Variants in SLU7 observed in about 807,000 individuals in gnomAD.
The protein encoded by SLU7 is pre-mRNA-splicing factor SLU7.
Under a neutral mutation model 87.0 loss-of-function variants are expected in SLU7, and 60 were observed. The observed-to-expected ratio is 0.69, with a 90% CI of 0.56 to 0.86. SLU7 has a LOEUF of 0.86. Among genes scored for constraint, SLU7 ranks in the 40% least tolerant of loss-of-function variants. SLU7 has a pLI of 0.00. For missense variants in SLU7, 507 were observed against 686.6 expected (o/e 0.74, Z 2.92); for synonymous variants, 197 against 222.0 (o/e 0.89, Z 1.00).
At chr5:160,410,514 C>T (rs1765185135) in intron 6 of SLU7, among the ~76,000 whole-genome samples, 1 of 151,872 alleles carries the variant, frequency 6.6e-6, no homozygotes, top group African/African-American at 2.4e-5. Flanking sequence ...CACATGTATA[C>T]ATACGTAACA....
rs1765337862 is a variant in SLU7, at chr5:160,413,748, T to C, written c.406-128A>G. On this transcript the variant is annotated intron_variant, in intron 4 of 15. Coordinates refer to ENST00000297151, the MANE Select transcript of SLU7 (RefSeq NM_006425.5). ...ACAGTTAGTCTTACAGTAGAAAATT[T>C]TGTTGGTGTTGAACCAATTCCACTG... The C allele has an allele frequency of 5.0e-6, 5 of 1,004,436 alleles. No individual in the cohort carries two copies. The South Asian group carries it at 8.7e-5, about 17-fold the overall frequency. The allele number at this position is 1,004,436 out of a possible 1,614,324, so 62.2% of individuals were successfully genotyped here.
At chr5:160,406,653 C>G (rs1226348658) in intron 11 of SLU7, 24 bp from the exon 12 acceptor site, 1 of 1,541,196 alleles carries the variant, frequency 6.5e-7, no homozygotes, top group Non-Finnish European at 8.8e-7. Flanking sequence ...GGACATTATT[C>G]AATACATTTT....
chr5:160,404,746 G>T (rs1764934605), intron 14 of SLU7, 63 bp downstream of exon 14: 3 of 1,156,854 alleles, frequency 2.6e-6, no homozygotes, highest in African/African-American at 1.6e-5. Flanking sequence ...AAAAACTCAG[G>T]TGCAGGTTTT....
Position 160,407,723 on chromosome 5 carries a change from C to T in SLU7, c.985+23G>A. On this transcript the variant is annotated intron_variant, in intron 10 of 15. Coordinates refer to ENST00000297151, the MANE Select transcript of SLU7 (RefSeq NM_006425.5). The surrounding 1 kb of genome is among the most constrained non-coding windows in gnomAD (Gnocchi z 4.2). The stretch of plus-strand genomic sequence containing the variant: ...CGTCTTATGAGCTGATATAAAATGG[C>T]TTGACATAGAGGAAACACTTACACT... 1 of 1,608,818 alleles carries T rather than the reference C, an allele frequency of 6.2e-7. No homozygotes were observed. Among genetic ancestry groups the T allele is most frequent in the South Asian group, 1.1e-5 (1 of 90,038 alleles).
chr5:160,411,820 A>C (rs1581069623), intron 6 of SLU7, among the ~76,000 whole-genome samples: 1 of 152,290 alleles, frequency 6.6e-6, no homozygotes, highest in African/African-American at 2.4e-5. Flanking sequence ...CCTTTCATTC[A>C]TATAAAAAAT....
At chr5:160,405,279 A>T in intron 12 of SLU7, 144 bp from the exon 13 acceptor site, 1 of 615,270 alleles carries the variant, frequency 1.6e-6, no homozygotes, top group Non-Finnish European at 2.9e-6. Context: ...GCTAACAGGG[A>T]GAAGGTAGTC....
chr5:160,406,347 A>ATT, intron 12 of SLU7, 121 bp downstream of exon 12: 8 of 751,248 alleles, frequency 1.1e-5, no homozygotes, highest in Non-Finnish European at 1.5e-5. Flanking sequence ...AAACAGTTAA[A>ATT]ATTTTTTTTT....
Position 160,408,683 on chromosome 5 carries a change from G to T in SLU7, c.654C>A (p.His218Gln), listed in dbSNP as rs370748172. ...KLVEQANSPK[H>Q]QWGEEEPNSQ... ...AATTTGGTTCCTCTTCTCCCCACTG[G>T]TGTTTTGGAGAATTCTGCATCATGA... The change falls in exon 7 of 16, where the codon CAC (histidine) becomes CAA (glutamine). Residue 218 changes from histidine (H) to glutamine (Q), a missense_variant. By Grantham distance (24) the His-to-Gln change is conservative (BLOSUM62 0). Transcript: ENST00000297151. The T allele has an allele frequency of 1.3e-6, 2 of 1,560,604 alleles. No homozygotes were observed. The highest frequency in any genetic ancestry group is 1.7e-6 in the Non-Finnish European group (2 of 1,143,728).
intron 1 of SLU7, chr5:160,418,696 AATAC>A (rs969446165): frequency 6.6e-6 from 1 of 152,202 alleles, no homozygotes; most frequent in African/African-American, 2.4e-5. Context: ...CTGGCGAGGA[AATAC>A]AGTCTGTCAA....
In SLU7 at chr5:160,415,013, A is replaced by G. The variant is rs1020439278; in HGVS notation, c.170+112T>C. 1.6e-5 allele frequency: 15 copies of G among 934,112 alleles called. No homozygotes were observed. In the East Asian group the frequency reaches 3.9e-4, roughly 24 times the overall value. The allele number at this position is 934,112 out of a possible 1,614,324, so 57.9% of individuals were successfully genotyped here. A position where few individuals can be genotyped will look rare whatever the true frequency, so the allele number is the denominator to read the frequency against. ...TATGAGTTTGATAAAATAAAAAACAAAAATGACATAAATGAAGAGAGGTTC... is the reference window on the plus strand; with the variant it reads ...TATGAGTTTGATAAAATAAAAAACAGAAATGACATAAATGAAGAGAGGTTC... On this transcript the variant is annotated intron_variant, in intron 2 of 15. Transcript: ENST00000297151.
intron 1 of SLU7, among the ~76,000 whole-genome samples, chr5:160,417,554 G>C (rs1380337549): frequency 6.6e-6 from 1 of 152,062 alleles, no homozygotes; most frequent in African/African-American, 2.4e-5. Context: ...TTGGGAGGCC[G>C]AGGCGGGCGG....
At chr5:160,415,033 A>C in intron 2 of SLU7, 92 bp downstream of exon 2, 1 of 1,070,242 alleles carries the variant, frequency 9.3e-7, no homozygotes, top group Non-Finnish European at 1.3e-6. Flanking sequence ...AAATGAAGAG[A>C]GGTTCCTCTC....
chr5:160,403,549 CTGA>C, intron 15 of SLU7, 85 bp from the exon 16 acceptor site: 1 of 1,215,748 alleles, frequency 8.2e-7, no homozygotes, highest in Non-Finnish European at 1.1e-6. Flanking sequence ...ACACACCCCA[CTGA>C]ATATGAACTG....
chr5:160,417,837 G>T (rs531166234), intron 1 of SLU7, among the ~76,000 whole-genome samples: 3 of 148,258 alleles, frequency 2.0e-5, no homozygotes, highest in Non-Finnish European at 3.0e-5. Flanking sequence ...TTTATCATTC[G>T]TACTCTAAAA....
rs1181924671 is a variant in SLU7 at position 160,419,049 on chromosome 5, T to A, written c.-43A>T. ...CAGCCCCGCCGCAGCTAGCCCCAAG[T>A]CCATCCGACAGAATCCAAGCCAATC... On this transcript the variant is annotated 5_prime_UTR_variant, in exon 1 of 16. Transcript: ENST00000297151. 2 of 152,358 alleles carry A rather than the reference T, an allele frequency of 1.3e-5. No homozygotes were observed. Among genetic ancestry groups the A allele is most frequent in the African/African-American group, 2.4e-5 (1 of 41,580 alleles). 9.4% of individuals were successfully genotyped at this position (152,358 alleles called of 1,614,324 possible).
rs1178243865 is a variant in SLU7, at chr5:160,407,918, A to G, written c.917+53T>C. ...GAACACCATCTATGGTCAGGTCAGA[A>G]AACAATTAACTTTCTCTCATCTTAA... On this transcript the variant is annotated intron_variant, in intron 9 of 15. Transcript: ENST00000297151. This position sits in a 1 kb window ranked among gnomAD's most constrained non-coding sequence, Gnocchi z 4.2. 24 of 1,502,272 alleles carry G rather than the reference A, an allele frequency of 1.6e-5. No individual in the cohort carries two copies. The East Asian group carries it at 5.2e-4, about 33-fold the overall frequency. The allele number at this position is 1,502,272 out of a possible 1,614,324, so 93.1% of individuals were successfully genotyped here. A position where few individuals can be genotyped will look rare whatever the true frequency, so the allele number is the denominator to read the frequency against.
chr5:160,414,486 A>C lies in SLU7; in HGVS notation c.171-14T>G. 2 of 577,342 alleles carry C rather than the reference A, an allele frequency of 3.5e-6. No individual in the cohort carries two copies. Among genetic ancestry groups the C allele is most frequent in the Non-Finnish European group, 4.7e-6 (2 of 421,166 alleles). The allele number at this position is 577,342 out of a possible 1,614,324, so 35.8% of individuals were successfully genotyped here. ...GGGTTGATGTCTCTGTAATTAAAGT[A>C]AAAAAAAAAAAAATTTAAGGATAAA... On this transcript the variant is annotated splice_polypyrimidine_tract_variant and intron_variant, in intron 2 of 15. Transcript: ENST00000297151.
chr5:160,410,979 C>T (rs1324718031), intron 6 of SLU7, among the ~76,000 whole-genome samples: 1 of 150,980 alleles, frequency 6.6e-6, no homozygotes, highest in Non-Finnish European at 1.5e-5. Flanking sequence ...CATTCTCCTG[C>T]CTCAGCCTCC....
rs1247792798 is a variant in SLU7, at chr5:160,404,494, T to C, written c.1527A>G (p.Arg509=). 2.5e-6 allele frequency: 4 copies of C among 1,612,462 alleles called. No homozygotes were observed. The highest frequency in any genetic ancestry group is 3.4e-6 in the Non-Finnish European group (4 of 1,179,270). The change falls in exon 15 of 16, where the codon CGA becomes CGG. Residue 509 remains arginine (R), a synonymous_variant. Transcript: ENST00000297151. ...KKKKKKKKKH[R]KSSSDSDDEE... is the part of the protein sequence containing the mutation. The stretch of plus-strand genomic sequence containing the variant: ...CATCATCACTATCTGAACTGCTCTT[T>C]CGATGCTTCTTCTTTTTCTTTTTCT...
Sources: allele counts gnomAD v4.1 joint callset (sites outside exome capture counted in the v4.1 genomes callset), GRCh38; gene constraint gnomAD v4.1.1; non-coding constraint Gnocchi (gnomAD v3.1); transcripts MANE v1.5; gene names NCBI Gene and HGNC (gene_info 2026-07-23, HGNC 2026-07-21).